Variants in ARHGEF9 observed in about 807,000 individuals in gnomAD.
ARHGEF9 encodes rho guanine nucleotide exchange factor 9.
ARHGEF9 carries 2 observed loss-of-function variants against 41.3 expected under a neutral mutation model. The ratio of observed to expected loss-of-function variants is 0.05; its 90% CI spans 0.02 to 0.15. ARHGEF9 has a LOEUF of 0.15. Among genes scored for constraint, ARHGEF9 ranks in the 10% least tolerant of loss-of-function variants. ARHGEF9 has a pLI of 1.00. For synonymous variants in ARHGEF9, 160 were observed against 154.4 expected (o/e 1.04, Z -0.27); for missense variants, 225 against 424.7 (o/e 0.53, Z 4.13).
In ARHGEF9 at chrX:63,658,244, T is replaced by C. The variant is rs564684824; in HGVS notation, c.1078-2507A>G. ...TTACTAAAATTATCCCTTTGCCTGTTCTCCCTGGTCCCCCAGAGGGTTAAA... is the reference window on the plus strand; with the variant it reads ...TTACTAAAATTATCCCTTTGCCTGTCCTCCCTGGTCCCCCAGAGGGTTAAA... On this transcript the variant is annotated intron_variant, in intron 7 of 9. Coordinates refer to ENST00000671741, the MANE Select transcript of ARHGEF9 (RefSeq NM_001353921.2). 2.1e-4 allele frequency among the ~76,000 whole-genome samples: 23 copies of C among 112,116 alleles called. No individual in the cohort carries two copies. The East Asian group carries it at 5.1e-3, about 25-fold the overall frequency.
intron 2 of ARHGEF9, among the ~76,000 whole-genome samples, chrX:63,720,349 G>A (rs1397101655): frequency 1.8e-5 from 2 of 111,748 alleles, no homozygotes. Context: ...AAAATAGTTG[G>A]AAAAAGTCAC....
At chrX:63,664,670 T>C (rs1213304336) in intron 7 of ARHGEF9, among the ~76,000 whole-genome samples, 12 of 112,369 alleles carry the variant, frequency 1.1e-4, no homozygotes, top group African/African-American at 3.9e-4. Flanking sequence ...AAAAGTTCTC[T>C]GTTTGAGGGT....
intron 1 of ARHGEF9, among the ~76,000 whole-genome samples, chrX:63,769,493 C>T (rs1425118928): frequency 8.9e-6 from 1 of 111,928 alleles, no homozygotes; most frequent in Non-Finnish European, 1.9e-5. Flanking sequence ...CAGAAATTTG[C>T]GTAAGTAACA....
intron 4 of ARHGEF9, among the ~76,000 whole-genome samples, chrX:63,695,848 C>T (rs1358553583): frequency 9.0e-6 from 1 of 111,115 alleles, no homozygotes; most frequent in Non-Finnish European, 1.9e-5. Flanking sequence ...ATGATGAGCC[C>T]ACAATAAGAA....
intron 1 of ARHGEF9, among the ~76,000 whole-genome samples, chrX:63,772,316 T>G (rs781828209): frequency 8.9e-6 from 1 of 112,027 alleles, no homozygotes; most frequent in South Asian, 3.7e-4. Context: ...GCTGCATGGA[T>G]TTTTGCAGCA....
chrX:63,740,027 G>A (rs2054857075), intron 1 of ARHGEF9, among the ~76,000 whole-genome samples: 1 of 111,535 alleles, frequency 9.0e-6, no homozygotes, highest in African/African-American at 3.3e-5. Context: ...AACACAAAGA[G>A]GATTCTCTTA....
intron 1 of ARHGEF9, among the ~76,000 whole-genome samples, chrX:63,758,127 C>CTT (rs781853715): frequency 5.8e-5 from 5 of 86,736 alleles, no homozygotes; most frequent in Non-Finnish European, 6.9e-5. Context: ...GAGAATGGGA[C>CTT]TTTTTTTTTT....
chrX:63,741,929 A>T (rs1378060395), intron 1 of ARHGEF9, among the ~76,000 whole-genome samples: 1 of 112,740 alleles, frequency 8.9e-6, no homozygotes, highest in Non-Finnish European at 1.9e-5. Flanking sequence ...TGTGCATCAC[A>T]TATGATCTAT....
chrX:63,739,316 T>C (rs142310852), intron 1 of ARHGEF9, among the ~76,000 whole-genome samples: 271 of 111,214 alleles, frequency 2.4e-3, no homozygotes, highest in African/African-American at 8.5e-3. Context: ...CTTCACTGCT[T>C]CCAACATGCA....
At chrX:63,746,820 T>G (rs782031587) in intron 1 of ARHGEF9, among the ~76,000 whole-genome samples, 1 of 111,722 alleles carries the variant, frequency 9.0e-6, no homozygotes. Context: ...CCATGACATA[T>G]CTCTTTAATA....
intron 1 of ARHGEF9, among the ~76,000 whole-genome samples, chrX:63,764,778 A>G (rs192293994): frequency 2.7e-5 from 3 of 110,495 alleles, no homozygotes; most frequent in African/African-American, 9.9e-5. Flanking sequence ...ATGAGAACAC[A>G]TGGTGGGGGA....
At chrX:63,639,409 C>T in intron 9 of ARHGEF9, 1 of 111,736 alleles carries the variant, frequency 8.9e-6, no homozygotes, top group Non-Finnish European at 1.9e-5. Context: ...TACAGATTCA[C>T]ATGCAGTTTT....
chrX:63,777,651 A>G (rs2056314437), intron 1 of ARHGEF9, among the ~76,000 whole-genome samples: 1 of 112,818 alleles, frequency 8.9e-6, no homozygotes, highest in Non-Finnish European at 1.9e-5. Context: ...TATAGACATA[A>G]AGATGCCTAG....
At chrX:63,741,533 C>T (rs2147724762) in intron 1 of ARHGEF9, among the ~76,000 whole-genome samples, 1 of 112,420 alleles carries the variant, frequency 8.9e-6, no homozygotes, top group South Asian at 3.7e-4. Context: ...GGATATGTCC[C>T]ATAGGTGTGT....
intron 4 of ARHGEF9, among the ~76,000 whole-genome samples, chrX:63,690,279 A>T (rs1363733272): frequency 1.8e-5 from 2 of 111,913 alleles, no homozygotes; most frequent in African/African-American, 6.5e-5. Flanking sequence ...ATACTCAAAT[A>T]AATGAAATCA....
At position 63,785,044 on chromosome X, in the gene ARHGEF9, T is replaced by C. The variant is rs1415766121; in HGVS notation, c.30+72A>G. ...AGGGTGCTCACTGCCTTGTGGCTCG[T>C]TGGAGGAACTGGAGGTGGGGCTGGG... is the stretch of plus-strand genomic sequence containing the variant. On this transcript the variant is annotated intron_variant, in intron 1 of 9. Transcript: ENST00000671741. 4.4e-6 allele frequency: 5 copies of C among 1,128,034 alleles called. No individual in the cohort carries two copies. The African/African-American group carries it at 5.5e-5, about 12-fold the overall frequency. The allele number at this position is 1,128,034 out of a possible 1,213,427, so 93.0% of individuals were successfully genotyped here.
chrX:63,680,515 C>T (rs1238287455), intron 4 of ARHGEF9, among the ~76,000 whole-genome samples: 6 of 111,806 alleles, frequency 5.4e-5, no homozygotes, highest in Non-Finnish European at 3.8e-5. Flanking sequence ...ACAGATATAG[C>T]CTAGATGTCT....
At position 63,755,869 on chromosome X, in the gene ARHGEF9, A is replaced by G. The variant is rs1371930678; in HGVS notation, c.30+29247T>C. The G allele has an allele frequency of 6.6e-6, 5 of 752,126 alleles. No homozygotes were observed. The Admixed American group carries it at 3.5e-4, about 52-fold the overall frequency. 62.0% of individuals were successfully genotyped at this position (752,126 alleles called of 1,213,427 possible). On this transcript the variant is annotated intron_variant, in intron 1 of 9. Transcript: ENST00000671741. ...TTCCTTTCTTGATTATAGATTCTTC[A>G]GACTAGGACAGTTAGCTTGCAATTT...
At chrX:63,643,883 C>G (rs1261262596) in intron 9 of ARHGEF9, 97 bp downstream of exon 9, 3 of 950,925 alleles carry the variant, frequency 3.2e-6, no homozygotes, top group Non-Finnish European at 4.4e-6. Context: ...TCCACCACCC[C>G]CAAGTAAACC....
Sources: allele counts gnomAD v4.1 joint callset (sites outside exome capture counted in the v4.1 genomes callset), GRCh38; gene constraint gnomAD v4.1.1; transcripts MANE v1.5; gene names NCBI Gene and HGNC (gene_info 2026-07-23, HGNC 2026-07-21).